Variants in SGCB observed in about 807,000 individuals in gnomAD.
SGCB encodes sarcoglycan beta.
SGCB carries 25 observed loss-of-function variants against 27.3 expected under a neutral mutation model. The observed-to-expected ratio is 0.92, with a 90% CI of 0.67 to 1.28. The LOEUF is 1.28. SGCB is among the 50% of genes most tolerant of loss of function. The pLI is 0.00. For missense variants in SGCB, 436 were observed against 402.1 expected, an observed-to-expected ratio of 1.08 and a Z score of -0.72; for synonymous variants, 147 against 133.5, an observed-to-expected ratio of 1.10 and a Z score of -0.70.
At chr4:52,026,469 G>A (rs964588029) in intron 5 of SGCB, among the ~76,000 whole-genome samples, 1 of 151,928 alleles carries the variant, frequency 6.6e-6, no homozygotes, top group Non-Finnish European at 1.5e-5. Flanking sequence ...ATGTTGGCCA[G>A]GCTGGTCTCG....
chr4:52,025,617 T>C (rs1179448316), intron 5 of SGCB, among the ~76,000 whole-genome samples: 1 of 152,218 alleles, frequency 6.6e-6, no homozygotes, highest in Non-Finnish European at 1.5e-5. Flanking sequence ...TTCCAAATTA[T>C]ACGGGAAGCA....
At position 52,033,411 on chromosome 4, in the gene SGCB, G is replaced by A; in HGVS notation, c.243+20C>T. 1 of 1,517,432 alleles carries A rather than the reference G, an allele frequency of 6.6e-7. No individual in the cohort carries two copies. The highest frequency in any genetic ancestry group is 9.2e-7 in the Non-Finnish European group (1 of 1,092,028). The allele number at this position is 1,517,432 out of a possible 1,614,324, so 94.0% of individuals were successfully genotyped here. On this transcript the variant is annotated intron_variant, in intron 2 of 5. Transcript: ENST00000381431. ...AAATTCCCCATGGCAATTAAAATGA[G>A]TATTCTTACAAATACTCACTATTAA... is the stretch of plus-strand genomic sequence containing the variant.
chr4:52,026,903 T>A (rs1737112692), intron 5 of SGCB, among the ~76,000 whole-genome samples: 2 of 152,204 alleles, frequency 1.3e-5, no homozygotes, highest in African/African-American at 4.8e-5. Flanking sequence ...CTGTGGCTAT[T>A]CTTCAACAGT....
In SGCB at chr4:52,028,045, C is replaced by A; in HGVS notation, c.676G>T (p.Val226Leu). 1 of 1,613,482 alleles carries A rather than the reference C, an allele frequency of 6.2e-7. No homozygotes were observed. The highest frequency in any genetic ancestry group is 8.5e-7 in the Non-Finnish European group (1 of 1,179,482). Residue 226 changes from valine to leucine, a missense_variant, in exon 5 of 6, where the codon GTG becomes TTG. Physicochemically the swap from Val to Leu is conservative, Grantham distance 32 (BLOSUM62 1). Coordinates refer to ENST00000381431, the MANE Select transcript of SGCB (RefSeq NM_000232.5). ...ATGAATACACCTTCATTTCCACGCA[C>A]AATAGCACGCCCATCAACTTTTATA... ...LNIKVDGRAI[V>L]RGNEGVFIMG...
intron 2 of SGCB, among the ~76,000 whole-genome samples, chr4:52,032,493 T>C (rs1737274744): frequency 6.6e-6 from 1 of 152,222 alleles, no homozygotes; most frequent in African/African-American, 2.4e-5. Flanking sequence ...AAAATGTCTT[T>C]ATGCTGCCAT....
At chr4:52,024,219 C>A in intron 5 of SGCB, 59 bp from the exon 6 acceptor site, 1 of 1,364,726 alleles carries the variant, frequency 7.3e-7, no homozygotes, top group South Asian at 1.2e-5. Context: ...AGAACAAAGT[C>A]AGTAAACAAA....
intron 2 of SGCB, 129 bp from the exon 3 acceptor site, chr4:52,029,992 C>A: frequency 1.4e-6 from 1 of 712,522 alleles, no homozygotes. Flanking sequence ...GTAAATATAT[C>A]AATTAATTTT....
Position 52,024,050 on chromosome 4 carries a change from G to A in SGCB, c.864C>T (p.Cys288=). 6.2e-7 allele frequency: 1 copy of A among 1,614,050 alleles called. No individual in the cohort carries two copies. Among genetic ancestry groups the A allele is most frequent in the Non-Finnish European group, 8.5e-7 (1 of 1,179,968 alleles). ...GSGDWVRYKL[C]MCADGTLFKV... is the part of the protein sequence containing the mutation. ...TGAAGAGCGTCCCATCAGCACACATGCAGAGCTTGTAGCGTACCCAGTCAC... is the reference window on the plus strand; with the variant it reads ...TGAAGAGCGTCCCATCAGCACACATACAGAGCTTGTAGCGTACCCAGTCAC... The change falls in exon 6 of 6, where the codon TGC becomes TGT. Residue 288 remains cysteine, a synonymous_variant. Coordinates refer to ENST00000381431, the MANE Select transcript of SGCB (RefSeq NM_000232.5).
chr4:52,023,827 T>A lies in SGCB; in HGVS notation c.*130A>T, dbSNP rs1178585092. On this transcript the variant is annotated 3_prime_UTR_variant, in exon 6 of 6. Coordinates refer to ENST00000381431, the MANE Select transcript of SGCB (RefSeq NM_000232.5). ...GAGAAGATTTTAACTATGTAGACCA[T>A]AAAACAGATACAGCAGTGCTCTGCC... The A allele has an allele frequency of 1.3e-6, 1 of 741,710 alleles. No homozygotes were observed. Among genetic ancestry groups the A allele is most frequent in the Non-Finnish European group, 2.4e-6 (1 of 421,070 alleles). The allele number at this position is 741,710 out of a possible 1,614,324, so 45.9% of individuals were successfully genotyped here.
At chr4:52,029,903 C>A in intron 2 of SGCB, 40 bp from the exon 3 acceptor site, 1 of 1,436,362 alleles carries the variant, frequency 7.0e-7, no homozygotes, top group South Asian at 1.1e-5. Context: ...AGGCCGCATA[C>A]ATTTAATGTA....
intron 5 of SGCB, 93 bp downstream of exon 5, chr4:52,027,872 AATT>A: frequency 8.4e-7 from 1 of 1,189,930 alleles, no homozygotes; most frequent in Non-Finnish European, 1.2e-6. Context: ...AAAAATAGAC[AATT>A]ATATCATTTT....
rs1186260423 is a variant in SGCB at position 52,028,109 on chromosome 4, T to TA, written c.622-11dup. ...TAGCATTGCTGGTAATCTGAAAATTTAAAAAACAAGTACTAAAAAGAGTTT... is the reference window on the plus strand; with the variant it reads ...TAGCATTGCTGGTAATCTGAAAATTTAAAAAAACAAGTACTAAAAAGAGTTT... On this transcript the variant is annotated splice_polypyrimidine_tract_variant and intron_variant, in intron 4 of 5. Coordinates refer to ENST00000381431, the MANE Select transcript of SGCB (RefSeq NM_000232.5). 6 of 1,603,676 alleles carry TA rather than the reference T, an allele frequency of 3.7e-6. No individual in the cohort carries two copies. Among genetic ancestry groups the TA allele is most frequent in the Non-Finnish European group, 5.1e-6 (6 of 1,170,928 alleles).
chr4:52,028,002 T>G lies in SGCB; in HGVS notation c.719A>C (p.Glu240Ala). 6.2e-7 allele frequency: 1 copy of G among 1,613,894 alleles called. No homozygotes were observed. The highest frequency in any genetic ancestry group is 1.1e-5 in the South Asian group (1 of 91,076). Residue 240 changes from glutamate (E) to alanine (A), a missense_variant, in exon 5 of 6, where the codon GAA becomes GCA. Transcript: ENST00000381431. ...EGVFIMGKTI[E>A]FHMGGNMELK... ...CTCCATATTACCACCCATGTGAAAT[T>G]CAATGGTTTTGCCCATAATGAATAC... is the stretch of plus-strand genomic sequence containing the variant.
At chr4:52,036,467 G>A (rs1366120653) in intron 1 of SGCB, among the ~76,000 whole-genome samples, 1 of 152,200 alleles carries the variant, frequency 6.6e-6, no homozygotes, top group Non-Finnish European at 1.5e-5. Context: ...CTACTGAAGA[G>A]TTAAAATAGG....
Position 52,028,780 on chromosome 4 carries a change from A to C in SGCB, c.571T>G (p.Leu191Val). ...STDYETHEFHLPSGVKSLNVQ... is the reference protein window; with the variant it reads ...STDYETHEFHVPSGVKSLNVQ... The stretch of plus-strand genomic sequence containing the variant: ...TTCAAACTTTTCACTCCACTTGGCA[A>C]ATGAAACTCATGAGTTTCATAGTCT... Residue 191 changes from leucine to valine, a missense_variant, in exon 4 of 6, where the codon TTG becomes GTG. Leu to Val is a conservative substitution (Grantham distance 32). Transcript: ENST00000381431. 1 of 1,613,584 alleles carries C rather than the reference A, an allele frequency of 6.2e-7. No individual in the cohort carries two copies. The highest frequency in any genetic ancestry group is 8.5e-7 in the Non-Finnish European group (1 of 1,179,576).
chr4:52,031,488 A>T (rs1297307500), intron 2 of SGCB, among the ~76,000 whole-genome samples: 29 of 129,330 alleles, frequency 2.2e-4, no homozygotes, highest in African/African-American at 5.3e-4. Context: ...GTTCCTTTTA[A>T]TTTTTTTTTT....
intron 2 of SGCB, among the ~76,000 whole-genome samples, chr4:52,032,683 C>G (rs1296076488): frequency 6.6e-6 from 1 of 152,124 alleles, no homozygotes; most frequent in African/African-American, 2.4e-5. Flanking sequence ...GCCTTGCATG[C>G]ATTAGAAGTA....
chr4:52,037,800 T>G (rs1560570320), intron 1 of SGCB, among the ~76,000 whole-genome samples: 1 of 152,222 alleles, frequency 6.6e-6, no homozygotes, highest in Non-Finnish European at 1.5e-5. Context: ...GATGGCAAGC[T>G]GACACCGGGG....
In SGCB at chr4:52,029,734, T is replaced by A. The variant is rs749276608; in HGVS notation, c.373A>T (p.Ser125Cys). ...DMGVIHPLYK[S>C]TVGGRRNENL... ...TCATTTCGCCTTCCTCCTACTGTGC[T>A]TTTATAAAGAGGGTGGATCACTCCC... is the stretch of plus-strand genomic sequence containing the variant. Residue 125 changes from serine to cysteine, a missense_variant, in exon 3 of 6, where the codon AGC becomes TGC. Coordinates refer to ENST00000381431, the MANE Select transcript of SGCB (RefSeq NM_000232.5). The A allele has an allele frequency of 6.2e-7, 1 of 1,613,868 alleles. No individual in the cohort carries two copies. Among genetic ancestry groups the A allele is most frequent in the East Asian group, 2.2e-5 (1 of 44,852 alleles).
Sources: gnomAD v4.1 joint callset for allele counts (sites outside exome capture counted in the v4.1 genomes callset) on GRCh38, gnomAD v4.1.1 for gene constraint, MANE v1.5 for transcripts, NCBI Gene and HGNC (gene_info 2026-07-23, HGNC 2026-07-21) for gene names.